Variants in GRAP2 observed in about 807,000 individuals in gnomAD.
GRAP2 encodes the protein GRB2-related adapter protein 2.
In GRAP2, 31 loss-of-function variants were observed where a neutral mutation model predicts 43.5. That is an observed-to-expected ratio of 0.71 (90% confidence interval 0.54 to 0.96). The LOEUF is 0.96. GRAP2 is among the 40% of genes least tolerant of loss of function. GRAP2 has a pLI of 0.00. For synonymous variants in GRAP2, 156 were observed against 164.8 expected, an observed-to-expected ratio of 0.95 and a Z score of 0.41; for missense variants, 371 against 424.4, an observed-to-expected ratio of 0.87 and a Z score of 1.11.
At chr22:39,938,208 A>C (rs2066826621) in intron 1 of GRAP2, among the ~76,000 whole-genome samples, 1 of 152,128 alleles carries the variant, frequency 6.6e-6, no homozygotes, top group South Asian at 2.1e-4. Context: ...AAAAAACCTT[A>C]AGCAGGAAAA....
intron 2 of GRAP2, chr22:39,948,317 C>A (rs2066945919): frequency 6.6e-6 from 1 of 152,076 alleles, no homozygotes; most frequent in Non-Finnish European, 1.5e-5. Context: ...CCAGGAAAAC[C>A]TGTCTGTCAC....
chr22:39,956,478 T>C (rs2145655979), intron 3 of GRAP2, among the ~76,000 whole-genome samples: 1 of 149,324 alleles, frequency 6.7e-6, no homozygotes, highest in African/African-American at 2.5e-5. Flanking sequence ...TTGGGTTTTT[T>C]TGGGTTTTTT....
chr22:39,933,026 G>A (rs933032784), intron 1 of GRAP2, among the ~76,000 whole-genome samples: 2 of 152,362 alleles, frequency 1.3e-5, no homozygotes, highest in African/African-American at 4.8e-5. Context: ...GCAAGGGGTA[G>A]ATAACTTCAA....
chr22:39,965,751 C>T (rs748896903), intron 4 of GRAP2, among the ~76,000 whole-genome samples: 6 of 152,192 alleles, frequency 3.9e-5, no homozygotes, highest in Non-Finnish European at 8.8e-5. Flanking sequence ...AATTTTAGCT[C>T]ATCTGATTAC....
chr22:39,906,587 A>G (rs1255977367), intron 1 of GRAP2, among the ~76,000 whole-genome samples: 1 of 152,060 alleles, frequency 6.6e-6, no homozygotes, highest in Non-Finnish European at 1.5e-5. Flanking sequence ...TTCTTTTTGC[A>G]TTTCCAACAC....
intron 1 of GRAP2, among the ~76,000 whole-genome samples, chr22:39,944,368 A>T (rs117381488): frequency 2.6e-4 from 39 of 152,304 alleles, no homozygotes; most frequent in Non-Finnish European, 5.1e-4. Flanking sequence ...ATTCTCTACT[A>T]CTAGGGGTGC....
intron 2 of GRAP2, among the ~76,000 whole-genome samples, chr22:39,953,472 A>G (rs966233144): frequency 6.6e-6 from 1 of 151,946 alleles, no homozygotes; most frequent in Non-Finnish European, 1.5e-5. Flanking sequence ...TCTAAAATAT[A>G]TCCTCACCTC....
upstream of GRAP2, among the ~76,000 whole-genome samples, chr22:39,896,115 A>T (rs1000293494): frequency 6.6e-6 from 1 of 152,166 alleles, no homozygotes; most frequent in East Asian, 1.9e-4. Flanking sequence ...TTATTTTTAA[A>T]TTCATTCATT....
At chr22:39,908,170 C>T (rs759446740) in intron 1 of GRAP2, among the ~76,000 whole-genome samples, 4 of 152,248 alleles carry the variant, frequency 2.6e-5, no homozygotes, top group Non-Finnish European at 4.4e-5. Flanking sequence ...CCCACTGGGT[C>T]TGGGAACAGA....
In GRAP2 at chr22:39,971,216, T is replaced by C; in HGVS notation, c.*132T>C. ...GCCTGTGTACACACACAACTTTTTATACTAGTAATTTATTGGCAATTGGGC... is the reference window on the plus strand; with the variant it reads ...GCCTGTGTACACACACAACTTTTTACACTAGTAATTTATTGGCAATTGGGC... On this transcript the variant is annotated 3_prime_UTR_variant, in exon 8 of 8. Coordinates refer to ENST00000344138, the MANE Select transcript of GRAP2 (RefSeq NM_004810.4). The C allele has an allele frequency of 1.6e-6, 1 of 643,122 alleles. No homozygotes were observed. Among genetic ancestry groups the C allele is most frequent in the East Asian group, 3.1e-5 (1 of 32,262 alleles). The allele number at this position is 643,122 out of a possible 1,614,324, so 39.8% of individuals were successfully genotyped here.
At chr22:39,932,716 C>CA (rs34623445) in intron 1 of GRAP2, among the ~76,000 whole-genome samples, 9,108 of 95,246 alleles carry the variant, frequency 0.096, 553 homozygotes, top group East Asian at 0.45. Flanking sequence ...ATACCTGTCT[C>CA]AAAAAAAAAA....
chr22:39,935,941 G>A (rs1277336966), intron 1 of GRAP2, among the ~76,000 whole-genome samples: 1 of 152,200 alleles, frequency 6.6e-6, no homozygotes, highest in Non-Finnish European at 1.5e-5. Flanking sequence ...AGAGCAAGAA[G>A]ATGGAGGCTT....
intron 7 of GRAP2, among the ~76,000 whole-genome samples, chr22:39,970,295 G>C (rs756146786): frequency 1.3e-5 from 2 of 151,982 alleles, no homozygotes; most frequent in Non-Finnish European, 2.9e-5. Flanking sequence ...TGCCCAGGCT[G>C]GTCTGGAACT....
At chr22:39,894,749 G>A in the GRAP2 span, among the ~76,000 whole-genome samples, 2 of 152,172 alleles carry the variant, frequency 1.3e-5, no homozygotes, top group Non-Finnish European at 2.9e-5. Flanking sequence ...GTAAGGACTC[G>A]GAGATAAAAA....
chr22:39,952,684 C>CTT (rs1230703613), intron 2 of GRAP2, among the ~76,000 whole-genome samples: 1 of 152,180 alleles, frequency 6.6e-6, no homozygotes. Flanking sequence ...ATGGGACACA[C>CTT]TTTTATTCCT....
At chr22:39,926,070 A>G (rs947657085) in intron 1 of GRAP2, among the ~76,000 whole-genome samples, 7 of 152,180 alleles carry the variant, frequency 4.6e-5, no homozygotes, top group Admixed American at 1.3e-4. Context: ...CCTGTCCTTC[A>G]ACTGTGAGCT....
chr22:39,918,332 G>C (rs188372327), intron 1 of GRAP2, among the ~76,000 whole-genome samples: 1 of 152,056 alleles, frequency 6.6e-6, no homozygotes, highest in African/African-American at 2.4e-5. Context: ...TTCATTGCTG[G>C]GATCCCAAAA....
chr22:39,897,895 G>A (rs899718616), upstream of GRAP2, among the ~76,000 whole-genome samples: 4 of 152,106 alleles, frequency 2.6e-5, no homozygotes, highest in Non-Finnish European at 5.9e-5. Flanking sequence ...AACAGCCAGA[G>A]CTACCCTTTT....
chr22:39,932,798 G>T (rs1201968047), intron 1 of GRAP2, among the ~76,000 whole-genome samples: 1 of 151,978 alleles, frequency 6.6e-6, no homozygotes, highest in Non-Finnish European at 1.5e-5. Flanking sequence ...CATACTAAGT[G>T]GATTAGATGG....
Sources: gnomAD v4.1 joint callset for allele counts (sites outside exome capture counted in the v4.1 genomes callset) on GRCh38, gnomAD v4.1.1 for gene constraint, MANE v1.5 for transcripts, NCBI Gene and HGNC (gene_info 2026-07-23, HGNC 2026-07-21) for gene names.